LAMA1: variants seen among roughly 807,000 people sequenced by gnomAD.
LAMA1 encodes the protein laminin subunit alpha 1, also known as laminin subunit alpha-1.
In LAMA1, 219 loss-of-function variants were observed where a neutral mutation model predicts 348.7. The observed-to-expected ratio is 0.63, with a 90% CI of 0.56 to 0.70. The LOEUF (loss-of-function observed/expected upper bound fraction) is 0.70. LAMA1 is among the 30% of genes least tolerant of loss of function. The probability of loss-of-function intolerance (pLI) is 0.00; values close to 1 mark genes in which losing one functional copy is unlikely to be tolerated. For synonymous variants in LAMA1, 1,487 were observed against 1,491.0 expected, an observed-to-expected ratio of 1.00 and a Z score of 0.06; for missense variants, 3,744 against 3,888.0, an observed-to-expected ratio of 0.96 and a Z score of 0.99.
At chr18:6,956,523 C>G in intron 56 of LAMA1, 113 bp downstream of exon 56, 1 of 1,212,354 alleles carries the variant, frequency 8.2e-7, no homozygotes, top group South Asian at 1.2e-5. Context: ...AGCTCCAGCT[C>G]CAGCTCCAGC....
At chr18:6,947,017 G>C in intron 61 of LAMA1, 146 bp downstream of exon 61, 1 of 1,060,326 alleles carries the variant, frequency 9.4e-7, no homozygotes, top group East Asian at 2.6e-5. Context: ...AGGTTTTCTT[G>C]TAGCAATATC....
In LAMA1 at chr18:6,997,881, C is replaced by G; in HGVS notation, c.4667G>C (p.Cys1556Ser). The G allele has an allele frequency of 6.2e-7, 1 of 1,614,102 alleles. No homozygotes were observed. The highest frequency in any genetic ancestry group is 1.1e-5 in the South Asian group (1 of 91,086). Residue 1556 changes from cysteine (C) to serine (S), a missense_variant, in exon 33 of 63, where the codon TGT becomes TCT. This residue lies in a region of LAMA1 where 1,983 missense variants were observed against 1,934.3 expected (regional missense o/e 1.03). Transcript: ENST00000389658. ...CAGCACACCTACACACTCATCATCA[C>G]AGGCTACAAGACAAATTTTTAAAAA... Reference protein sequence around the residue: ...HILMETDCVSCDDECVGVLLN... With the variant: ...HILMETDCVSSDDECVGVLLN...
chr18:7,015,585 T>C, intron 22 of LAMA1, 137 bp downstream of exon 22: 1 of 1,033,182 alleles, frequency 9.7e-7, no homozygotes, highest in Non-Finnish European at 1.4e-6. Context: ...TGGCCCACAT[T>C]GAGTTTTTTT....
intron 55 of LAMA1, among the ~76,000 whole-genome samples, chr18:6,957,635 T>C (rs1168666267): frequency 1.3e-5 from 2 of 152,194 alleles, no homozygotes; most frequent in Admixed American, 6.5e-5. Flanking sequence ...CCTGGGCAGA[T>C]GCTGGTCCCA....
chr18:6,948,619 TTTC>T, intron 59 of LAMA1, 63 bp from the exon 60 acceptor site: 1 of 1,584,120 alleles, frequency 6.3e-7, no homozygotes, highest in Non-Finnish European at 8.6e-7. Flanking sequence ...TTGGACACAT[TTTC>T]CTTCCACTTC....
chr18:7,048,645 G>T (rs1242340404), intron 5 of LAMA1, among the ~76,000 whole-genome samples: 1 of 152,174 alleles, frequency 6.6e-6, no homozygotes, highest in Non-Finnish European at 1.5e-5. Context: ...CTGGGTTATT[G>T]AAGGGATATG....
intron 43 of LAMA1, 22 bp downstream of exon 43, chr18:6,978,174 G>A: frequency 1.2e-6 from 2 of 1,614,030 alleles, no homozygotes; most frequent in South Asian, 1.1e-5. Context: ...GATCATGACT[G>A]GAAGGAAGGG....
At chr18:6,986,492 A>C in intron 36 of LAMA1, 145 bp from the exon 37 acceptor site, 2 of 724,944 alleles carry the variant, frequency 2.8e-6, no homozygotes, top group Non-Finnish European at 4.7e-6. Context: ...TTAAGAATGG[A>C]AACAATTTTT....
chr18:6,986,629 C>G (rs111773443), intron 36 of LAMA1, among the ~76,000 whole-genome samples: 77 of 151,372 alleles, frequency 5.1e-4, no homozygotes, highest in African/African-American at 1.6e-3. Flanking sequence ...TATATAAGTG[C>G]ACAGTGATGT....
At chr18:7,026,219 G>A in intron 16 of LAMA1, 113 bp from the exon 17 acceptor site, 3 of 1,288,098 alleles carry the variant, frequency 2.3e-6, no homozygotes, top group Non-Finnish European at 3.3e-6. Context: ...GCTAAAACCA[G>A]TCACCAACCT....
rs368850544 is a variant in LAMA1 at position 6,982,567 on chromosome 18, G to A, written c.5820C>T (p.Asn1940=). The A allele has an allele frequency of 4.9e-5, 79 of 1,613,988 alleles. No individual in the cohort carries two copies. The highest frequency in any genetic ancestry group is 6.0e-5 in the Non-Finnish European group (71 of 1,179,994). Residue 1940 remains asparagine (N), a synonymous_variant, in exon 41 of 63, where the codon AAC becomes AAT. Coordinates refer to ENST00000389658, the MANE Select transcript of LAMA1 (RefSeq NM_005559.4). The part of the protein sequence containing the change: ...TSLLSESLVS[N]GKAAVQRSSR... ...AGCTGCGCTGCACGGCCGCTTTCCC[G>A]TTAGAAACAAGGGATTCTGAGAGCT...
At chr18:6,979,697 A>T (rs1193694740) in intron 42 of LAMA1, among the ~76,000 whole-genome samples, 2 of 152,112 alleles carry the variant, frequency 1.3e-5, no homozygotes, top group African/African-American at 2.4e-5. Flanking sequence ...CAGGAGATCG[A>T]GACCATCCTG....
chr18:6,955,171 C>A (rs1230467125), intron 57 of LAMA1, 182 bp downstream of exon 57: 2 of 634,000 alleles, frequency 3.2e-6, no homozygotes, highest in East Asian at 2.8e-5. Context: ...CCCCAGTGAA[C>A]CACCATGAAA....
At chr18:6,978,604 C>T (rs557307441) in intron 42 of LAMA1, among the ~76,000 whole-genome samples, 71 of 152,190 alleles carry the variant, frequency 4.7e-4, no homozygotes, top group African/African-American at 1.7e-3. Context: ...ATCATATGCT[C>T]TACTATCCCC....
chr18:7,015,546 C>T (rs1043389492), intron 22 of LAMA1, among the ~76,000 whole-genome samples, 176 bp downstream of exon 22: 28 of 150,858 alleles, frequency 1.9e-4, no homozygotes, highest in African/African-American at 6.8e-4. Context: ...TCCCAAAGTG[C>T]AGTGATTACA....
At chr18:7,085,585 A>AT (rs1330905471) in intron 1 of LAMA1, among the ~76,000 whole-genome samples, 32 of 151,668 alleles carry the variant, frequency 2.1e-4, no homozygotes, top group East Asian at 1.4e-3. Flanking sequence ...AGCCCGGCTA[A>AT]TTTTTTGTAT....
chr18:6,973,252 G>A (rs1035436187), intron 46 of LAMA1, 45 bp from the exon 47 acceptor site: 15 of 1,582,942 alleles, frequency 9.5e-6, no homozygotes, highest in Admixed American at 1.7e-5. Context: ...AGAATTTCCA[G>A]TCAGCGCACA....
chr18:7,037,623 A>C lies in LAMA1; in HGVS notation c.1692T>G (p.Ala564=). Residue 564 remains alanine (A), a synonymous_variant, in exon 12 of 63, where the codon GCT becomes GCG. Coordinates refer to ENST00000389658, the MANE Select transcript of LAMA1 (RefSeq NM_005559.4). The part of the protein sequence containing the change: ...INNTAVMQRL[A]PKYYWAAPEA... ...CGGGGGCTGCCCAGTAGTACTTGGG[A>C]GCCAGTCTCTGCATGACCGCGGTGT... 1 of 1,614,120 alleles carries C rather than the reference A, an allele frequency of 6.2e-7. No homozygotes were observed. The highest frequency in any genetic ancestry group is 8.5e-7 in the Non-Finnish European group (1 of 1,180,020).
intron 56 of LAMA1, 57 bp from the exon 57 acceptor site, chr18:6,955,522 A>G (rs1293968458): frequency 7.8e-7 from 1 of 1,281,792 alleles, no homozygotes; most frequent in Admixed American, 1.8e-5. Context: ...CCCCACTGAC[A>G]CACGCGTGTT....
Sources: gnomAD v4.1 joint callset for allele counts (sites outside exome capture counted in the v4.1 genomes callset) on GRCh38, gnomAD v4.1.1 for gene constraint, gnomAD v4.1.1 regional missense constraint, MANE v1.5 for transcripts, NCBI Gene and HGNC (gene_info 2026-07-23, HGNC 2026-07-21) for gene names.